The following TBC1D1 variants were observed in gnomAD, a reference collection of about 807,000 sequenced individuals.
TBC1D1 encodes TBC1 (tre-2/USP6, BUB2, cdc16) domain family, member 1.
A neutral mutation model predicts 125.6 loss-of-function variants in TBC1D1; 89 were observed. The observed-to-expected ratio is 0.71, with a 90% CI of 0.60 to 0.85. The LOEUF is 0.85. TBC1D1 is among the 40% of genes least tolerant of loss of function. The probability of loss-of-function intolerance (pLI) is 0.00; values close to 1 mark genes in which losing one functional copy is unlikely to be tolerated. For synonymous variants in TBC1D1, 565 were observed against 564.1 expected, an observed-to-expected ratio of 1.00 and a Z score of -0.02; for missense variants, 1,377 against 1,469.2, an observed-to-expected ratio of 0.94 and a Z score of 1.03.
At chr4:38,120,155 G>A (rs2152591019) in intron 17 of TBC1D1, 1 of 966,666 alleles carries the variant, frequency 1.0e-6, no homozygotes, top group Non-Finnish European at 1.2e-6. Flanking sequence ...GAGACTCGGA[G>A]TTTCATAAAC....
At position 38,021,681 on chromosome 4, in the gene TBC1D1, C is replaced by A. The variant is rs34119528; in HGVS notation, c.1173C>A (p.Pro391=). ...CAGCCCAGCTGTGTGAGGGCTGCCCCCTGCAAAGCCTGCACAAGCTCTGTG... is the reference window on the plus strand; with the variant it reads ...CAGCCCAGCTGTGTGAGGGCTGCCCACTGCAAAGCCTGCACAAGCTCTGTG... Residue 391 remains proline, a synonymous_variant, in exon 6 of 20, where the codon CCC becomes CCA. Coordinates refer to ENST00000261439, the MANE Select transcript of TBC1D1 (RefSeq NM_015173.4). The A allele has an allele frequency of 3.1e-6, 5 of 1,589,444 alleles. No homozygotes were observed. The highest frequency in any genetic ancestry group is 1.1e-5 in the South Asian group (1 of 87,524).
intron 2 of TBC1D1, among the ~76,000 whole-genome samples, chr4:37,955,806 C>T (rs1402401655): frequency 6.6e-6 from 1 of 152,100 alleles, no homozygotes; most frequent in Non-Finnish European, 1.5e-5. Context: ...TCAAAGTTTA[C>T]ACTTTTCATT....
chr4:37,942,817 G>A (rs1339270042), intron 2 of TBC1D1, among the ~76,000 whole-genome samples: 1 of 152,172 alleles, frequency 6.6e-6, no homozygotes, highest in East Asian at 1.9e-4. Flanking sequence ...TGGGATTACA[G>A]GCGTGAGCCA....
At chr4:37,925,226 A>C (rs970469480) in intron 2 of TBC1D1, among the ~76,000 whole-genome samples, 9 of 152,186 alleles carry the variant, frequency 5.9e-5, no homozygotes, top group Non-Finnish European at 1.3e-4. Flanking sequence ...AGCATGCTGC[A>C]TGGATGGTGC....
chr4:37,971,759 AG>A (rs1453859799), intron 2 of TBC1D1, among the ~76,000 whole-genome samples: 1 of 152,228 alleles, frequency 6.6e-6, no homozygotes, highest in Non-Finnish European at 1.5e-5. Flanking sequence ...ATCACTTGCT[AG>A]AATATATTTC....
chr4:38,075,384 T>C (rs763634239), intron 12 of TBC1D1, among the ~76,000 whole-genome samples: 5 of 152,166 alleles, frequency 3.3e-5, no homozygotes, highest in Non-Finnish European at 7.3e-5. Flanking sequence ...ACCTAAAAAG[T>C]ATGCTACTTC....
intron 15 of TBC1D1, chr4:38,110,205 C>T: frequency 5.1e-6 from 5 of 985,408 alleles, no homozygotes; most frequent in Non-Finnish European, 6.0e-6. Flanking sequence ...TAGAGGAAGG[C>T]AGGACACTCT....
intron 7 of TBC1D1, among the ~76,000 whole-genome samples, chr4:38,034,676 A>G (rs1343826674): frequency 6.6e-6 from 1 of 152,242 alleles, no homozygotes; most frequent in Non-Finnish European, 1.5e-5. Flanking sequence ...TTTAAAGAAC[A>G]GTCTGGAAAT....
chr4:37,987,888 G>A (rs1284328096), intron 2 of TBC1D1, among the ~76,000 whole-genome samples: 1 of 152,202 alleles, frequency 6.6e-6, no homozygotes, highest in Non-Finnish European at 1.5e-5. Context: ...TACCTGGAAA[G>A]TTCTCTTTAG....
intron 2 of TBC1D1, among the ~76,000 whole-genome samples, chr4:37,963,766 A>C (rs1411478948): frequency 3.9e-5 from 6 of 152,366 alleles, no homozygotes; most frequent in African/African-American, 1.4e-4. Flanking sequence ...TTTTAAAAAC[A>C]TTTAATAATT....
intron 15 of TBC1D1, among the ~76,000 whole-genome samples, chr4:38,104,896 C>T (rs1196956581): frequency 6.6e-6 from 1 of 152,012 alleles, no homozygotes; most frequent in East Asian, 1.9e-4. Context: ...GCTGGGACTA[C>T]AGGTGCCCGC....
chr4:38,032,499 T>C (rs1043281370), intron 7 of TBC1D1, among the ~76,000 whole-genome samples: 2 of 152,114 alleles, frequency 1.3e-5, no homozygotes, highest in African/African-American at 2.4e-5. Flanking sequence ...AAGACTTATC[T>C]CTCTGACTAA....
chr4:38,051,937 C>T, intron 11 of TBC1D1: 1 of 1,550,656 alleles, frequency 6.4e-7, no homozygotes, highest in Non-Finnish European at 8.7e-7. Flanking sequence ...AAGCACCGCC[C>T]AGGTCAGTCT....
At chr4:38,031,014 C>A (rs1015689240) in intron 7 of TBC1D1, among the ~76,000 whole-genome samples, 1 of 152,158 alleles carries the variant, frequency 6.6e-6, no homozygotes, top group African/African-American at 2.4e-5. Context: ...GTGGGCATAC[C>A]ACACTGCAAA....
At chr4:38,102,291 T>A (rs78339435) in intron 14 of TBC1D1, among the ~76,000 whole-genome samples, 2 of 152,054 alleles carry the variant, frequency 1.3e-5, no homozygotes, top group South Asian at 4.1e-4. Flanking sequence ...TCATCTGAGC[T>A]CTACTTCCTT....
intron 12 of TBC1D1, among the ~76,000 whole-genome samples, chr4:38,082,427 A>G (rs77292355): frequency 0.016 from 2,435 of 152,324 alleles, 31 homozygotes; most frequent in Middle Eastern, 0.048. Flanking sequence ...AGGATAGGGC[A>G]AACTGTTACA....
chr4:38,131,733 T>A (rs1454593720), intron 18 of TBC1D1, among the ~76,000 whole-genome samples: 1 of 152,162 alleles, frequency 6.6e-6, no homozygotes, highest in Non-Finnish European at 1.5e-5. Flanking sequence ...GGCTGTCAAA[T>A]GGAGATAATA....
intron 2 of TBC1D1, among the ~76,000 whole-genome samples, chr4:37,992,495 T>TG (rs1387123692): frequency 1.0e-3 from 88 of 85,826 alleles, no homozygotes; most frequent in Non-Finnish European, 1.6e-3. Context: ...AGTCTGGTGT[T>TG]TTTTTTTTTT....
chr4:38,029,139 C>G (rs895697258), intron 7 of TBC1D1, among the ~76,000 whole-genome samples: 20 of 152,068 alleles, frequency 1.3e-4, no homozygotes, highest in African/African-American at 4.6e-4. Flanking sequence ...GGGGCATTTT[C>G]GATGATTCCC....
Sources: allele counts gnomAD v4.1 joint callset (sites outside exome capture counted in the v4.1 genomes callset), GRCh38; gene constraint gnomAD v4.1.1; transcripts MANE v1.5; gene names NCBI Gene and HGNC (gene_info 2026-07-23, HGNC 2026-07-21).